Variants in DZIP1L observed in about 807,000 individuals in gnomAD.
The protein encoded by DZIP1L is DAZ interacting zinc finger protein 1 like, also known as cilium assembly protein DZIP1L.
A neutral mutation model predicts 88.7 loss-of-function variants in DZIP1L; 90 were observed. The ratio of observed to expected loss-of-function variants is 1.02; its 90% CI spans 0.86 to 1.21. The LOEUF (loss-of-function observed/expected upper bound fraction) is 1.21. DZIP1L is among the 50% of genes most tolerant of loss of function. The pLI, the probability that DZIP1L is intolerant of heterozygous loss-of-function variation, is 0.00. For missense variants in DZIP1L, 932 were observed against 955.8 expected (o/e 0.98, Z 0.33); for synonymous variants, 363 against 372.1 (o/e 0.98, Z 0.28).
intron 5 of DZIP1L, among the ~76,000 whole-genome samples, chr3:138,090,889 T>C (rs1247471012): frequency 1.3e-5 from 2 of 151,454 alleles, no homozygotes; most frequent in Admixed American, 6.6e-5. Flanking sequence ...GGGATAACTT[T>C]TTTTTTTTTT....
At chr3:138,111,542 C>T (rs1480798831) in intron 1 of DZIP1L, among the ~76,000 whole-genome samples, 1 of 152,182 alleles carries the variant, frequency 6.6e-6, no homozygotes, top group Non-Finnish European at 1.5e-5. Context: ...ACACTCTGAG[C>T]ATACTCCATA....
At chr3:138,102,120 T>G in intron 2 of DZIP1L, 1 of 1,420,470 alleles carries the variant, frequency 7.0e-7, no homozygotes, top group Non-Finnish European at 9.9e-7. Context: ...CTCCTTGTAC[T>G]GTGCCTTGAC....
intron 7 of DZIP1L, 116 bp downstream of exon 7, chr3:138,086,845 C>T: frequency 9.1e-7 from 1 of 1,099,664 alleles, no homozygotes; most frequent in Non-Finnish European, 1.3e-6. Context: ...GCAGCATCTG[C>T]CAACCAGTTC....
chr3:138,095,741 G>A (rs750158359), intron 3 of DZIP1L, among the ~76,000 whole-genome samples: 1 of 151,860 alleles, frequency 6.6e-6, no homozygotes, highest in Admixed American at 6.6e-5. Flanking sequence ...GAGATCGCAC[G>A]ACTGCACTCC....
At chr3:138,084,029 T>G (rs577354819) in intron 8 of DZIP1L, 84 bp downstream of exon 8, 1 of 1,550,660 alleles carries the variant, frequency 6.4e-7, no homozygotes, top group African/African-American at 1.4e-5. Flanking sequence ...CTAGCACTGA[T>G]GAGCCCAAAA....
chr3:138,066,336 A>G (rs1231439810), intron 14 of DZIP1L, among the ~76,000 whole-genome samples: 2 of 152,102 alleles, frequency 1.3e-5, no homozygotes, highest in African/African-American at 4.8e-5. Flanking sequence ...ATGACCACCA[A>G]CTCTTGATCT....
At chr3:138,065,017 A>C (rs774211514) in intron 14 of DZIP1L, among the ~76,000 whole-genome samples, 1 of 152,380 alleles carries the variant, frequency 6.6e-6, no homozygotes, top group East Asian at 1.9e-4. Flanking sequence ...ACAGAGGCTT[A>C]GGAAGCTGTG....
At position 138,084,154 on chromosome 3, in the gene DZIP1L, G is replaced by T; in HGVS notation, c.1162C>A (p.Leu388Met). ...QCQISTLRAQ[L>M]QEQARIIASQ... ...GCAATGATCCTAGCTTGTTCCTGCA[G>T]CTGGGCACGGAGGGTGCTGATCTGG... Residue 388 changes from leucine (L) to methionine (M), a missense_variant, in exon 8 of 16, where the codon CTG becomes ATG. Coordinates refer to ENST00000327532, the MANE Select transcript of DZIP1L (RefSeq NM_173543.3). 1.2e-6 allele frequency: 2 copies of T among 1,614,178 alleles called. No individual in the cohort carries two copies. Among genetic ancestry groups the T allele is most frequent in the South Asian group, 2.2e-5 (2 of 91,084 alleles).
intron 1 of DZIP1L, among the ~76,000 whole-genome samples, chr3:138,109,949 G>A (rs1480181905): frequency 6.6e-6 from 1 of 151,972 alleles, no homozygotes; most frequent in Non-Finnish European, 1.5e-5. Context: ...TCACACACCG[G>A]GCTTCCTGAT....
Position 138,103,452 on chromosome 3 carries a change from C to A in DZIP1L, c.501+19G>T. On this transcript the variant is annotated intron_variant, in intron 2 of 15. Transcript: ENST00000327532. ...GCACACAGCCCTCCCACTCTCCCTG[C>A]CTGGTGGAGATTCCTCACCGTGTGG... 9 of 1,580,764 alleles carry A rather than the reference C, an allele frequency of 5.7e-6. No homozygotes were observed. Among genetic ancestry groups the A allele is most frequent in the Non-Finnish European group, 6.9e-6 (8 of 1,161,502 alleles).
chr3:138,068,712 G>A (rs1325050153), intron 12 of DZIP1L, among the ~76,000 whole-genome samples: 1 of 152,100 alleles, frequency 6.6e-6, no homozygotes, highest in African/African-American at 2.4e-5. Context: ...CCCAACCCAC[G>A]CTACAGCCGC....
intron 11 of DZIP1L, among the ~76,000 whole-genome samples, chr3:138,074,870 A>G (rs933105578): frequency 5.3e-5 from 8 of 152,222 alleles, no homozygotes; most frequent in East Asian, 1.9e-4. Flanking sequence ...ATGGATATGA[A>G]TTCACCAACC....
chr3:138,097,840 A>G lies in DZIP1L; in HGVS notation c.509T>C (p.Leu170Pro). Residue 170 changes from leucine (L) to proline (P), a missense_variant, in exon 3 of 16, where the codon CTG becomes CCG. Leu to Pro is a moderately conservative substitution (Grantham distance 98). Transcript: ENST00000327532. ...GGCATTCATGAATGTCTTGTCACACAGGTGGCACTATACAGAGAGGAAGCA... is the reference window on the plus strand; with the variant it reads ...GGCATTCATGAATGTCTTGTCACACGGGTGGCACTATACAGAGAGGAAGCA... ...TGTHSYHTCH[L>P]CDKTFMNATF... The G allele has an allele frequency of 1.9e-6, 3 of 1,612,004 alleles. No homozygotes were observed. The highest frequency in any genetic ancestry group is 2.5e-6 in the Non-Finnish European group (3 of 1,179,064).
At chr3:138,080,485 TAAGTA>T (rs1943598203) in intron 10 of DZIP1L, 77 bp downstream of exon 10, 1 of 1,495,378 alleles carries the variant, frequency 6.7e-7, no homozygotes, top group East Asian at 2.3e-5. Context: ...CAGATACAGT[TAAGTA>T]GAGACAAACT....
chr3:138,075,273 ATAGACT>A (rs926552013), intron 11 of DZIP1L, among the ~76,000 whole-genome samples: 2 of 152,236 alleles, frequency 1.3e-5, no homozygotes, highest in Non-Finnish European at 2.9e-5. Context: ...CAAAGAAACA[ATAGACT>A]TAAACTATAA....
chr3:138,110,675 C>G (rs536288321), intron 1 of DZIP1L, among the ~76,000 whole-genome samples: 1 of 152,096 alleles, frequency 6.6e-6, no homozygotes, highest in Non-Finnish European at 1.5e-5. Context: ...GACTGGCACT[C>G]GGGATCAATG....
rs752305201 is a variant in DZIP1L, at chr3:138,067,745, G to T, written c.1833-45C>A. 14 of 1,508,826 alleles carry T rather than the reference G, an allele frequency of 9.3e-6. No individual in the cohort carries two copies. The African/African-American group carries it at 1.7e-4, about 18-fold the overall frequency. 93.5% of individuals were successfully genotyped at this position (1,508,826 alleles called of 1,614,324 possible). A position where few individuals can be genotyped will look rare whatever the true frequency, so the allele number is the denominator to read the frequency against. ...AAATGAGGGATGCATGGGCCAGAAA[G>T]AAAACTTCAAAAGCCAAACTTCACC... On this transcript the variant is annotated intron_variant, in intron 13 of 15. Coordinates refer to ENST00000327532, the MANE Select transcript of DZIP1L (RefSeq NM_173543.3).
At chr3:138,101,485 G>C (rs944796494) in intron 2 of DZIP1L, 1 of 779,296 alleles carries the variant, frequency 1.3e-6, no homozygotes, top group Admixed American at 1.8e-5. Flanking sequence ...TGTTCACTTG[G>C]GCAGGACGTC....
chr3:138,080,080 A>G (rs1196501363), intron 10 of DZIP1L, among the ~76,000 whole-genome samples: 1 of 152,218 alleles, frequency 6.6e-6, no homozygotes, highest in Non-Finnish European at 1.5e-5. Flanking sequence ...GAATAAAAAC[A>G]GCAGGTGCCC....
Sources: gnomAD v4.1 joint callset for allele counts (sites outside exome capture counted in the v4.1 genomes callset) on GRCh38, gnomAD v4.1.1 for gene constraint, MANE v1.5 for transcripts, NCBI Gene and HGNC (gene_info 2026-07-23, HGNC 2026-07-21) for gene names.